GALNT11: variants seen among roughly 807,000 people sequenced by gnomAD.
GALNT11 encodes UDP-GalNAc:polypeptide N-acetylgalactosaminyltransferase 11.
Under a neutral mutation model 72.7 loss-of-function variants are expected in GALNT11, and 47 were observed. The observed-to-expected ratio is 0.65, with a 90% CI of 0.51 to 0.82. The LOEUF (loss-of-function observed/expected upper bound fraction) is 0.82, where lower values mean the gene tolerates loss of function less well. Ranked by LOEUF, GALNT11 falls within the 40% of genes least tolerant of loss-of-function variation. GALNT11 has a pLI of 0.00. For missense variants in GALNT11, 677 were observed against 778.4 expected (o/e 0.87, Z 1.55); for synonymous variants, 270 against 286.6 (o/e 0.94, Z 0.58).
Position 152,118,725 on chromosome 7 carries a change from A to C in GALNT11, c.1500A>C (p.Pro500=), listed in dbSNP as rs1307699363. ...AATGCCTGGTGGCCCAGGGCCGCCC[A>C]AGTCAGAAGGGAGGTCTCGTGGTGC... is the stretch of plus-strand genomic sequence containing the variant. ...TNKCLVAQGR[P]SQKGGLVVLK... The change falls in exon 10 of 12, where the codon CCA becomes CCC. Residue 500 remains proline (P), a synonymous_variant. Transcript: ENST00000430044. 6.2e-7 allele frequency: 1 copy of C among 1,611,828 alleles called. No individual in the cohort carries two copies.
At position 152,066,863 on chromosome 7, in the gene GALNT11, G is replaced by A. The variant is rs762849104; in HGVS notation, c.-38-27327G>A. ...TACAGGAGTAACATCAAAGATCATC[G>A]ACACAGATCACATAACAAATATCAT... is the stretch of plus-strand genomic sequence containing the variant. On this transcript the variant is annotated intron_variant, in intron 1 of 11. Coordinates refer to ENST00000430044, the MANE Select transcript of GALNT11 (RefSeq NM_022087.4). Among the ~76,000 whole-genome samples the A allele has an allele frequency of 3.9e-5, 6 of 152,066 alleles. 1 individual carries two copies. The highest frequency in any genetic ancestry group is 1.3e-4 in the Admixed American group (2 of 15,274).
At chr7:152,043,447 T>C (rs995145696) in intron 1 of GALNT11, among the ~76,000 whole-genome samples, 2 of 152,210 alleles carry the variant, frequency 1.3e-5, no homozygotes. Flanking sequence ...AATGCCCTGG[T>C]TTGAAATGGG....
intron 2 of GALNT11, among the ~76,000 whole-genome samples, chr7:152,096,714 C>CAA (rs768326363): frequency 1.0e-4 from 6 of 60,072 alleles, no homozygotes; most frequent in Admixed American, 3.6e-4. Flanking sequence ...GACTCTGTCT[C>CAA]AAAAAAAAAA....
chr7:152,101,867 C>T (rs749690200), intron 3 of GALNT11, among the ~76,000 whole-genome samples: 5 of 152,032 alleles, frequency 3.3e-5, no homozygotes, highest in African/African-American at 4.8e-5. Context: ...CTCCTGACCT[C>T]GTGATCTGCC....
chr7:152,042,759 A>G (rs2082926094), intron 1 of GALNT11, among the ~76,000 whole-genome samples: 1 of 152,140 alleles, frequency 6.6e-6, no homozygotes, highest in African/African-American at 2.4e-5. Context: ...TCCCTTCCCC[A>G]TAAATTTATA....
At chr7:152,093,518 C>T (rs570012278) in intron 1 of GALNT11, among the ~76,000 whole-genome samples, 6 of 152,084 alleles carry the variant, frequency 3.9e-5, no homozygotes, top group East Asian at 3.9e-4. Context: ...CTCCGCCTCC[C>T]GGGTTCAAGA....
intron 1 of GALNT11, among the ~76,000 whole-genome samples, chr7:152,077,009 G>A (rs2085022860): frequency 6.6e-6 from 1 of 152,192 alleles, no homozygotes; most frequent in African/African-American, 2.4e-5. Flanking sequence ...AGGATCGCTT[G>A]AGCCCAGGAG....
At chr7:152,112,412 G>T (rs2088329540) in intron 7 of GALNT11, among the ~76,000 whole-genome samples, 1 of 151,928 alleles carries the variant, frequency 6.6e-6, no homozygotes, top group Non-Finnish European at 1.5e-5. Context: ...GTGGTGGCGG[G>T]TGCCTGTAAT....
At chr7:152,054,084 T>C (rs2083534031) in intron 1 of GALNT11, among the ~76,000 whole-genome samples, 1 of 152,168 alleles carries the variant, frequency 6.6e-6, no homozygotes, top group African/African-American at 2.4e-5. Context: ...ACTTTATTCA[T>C]TTATCTAATC....
At chr7:152,112,540 CAA>C (rs923534651) in intron 7 of GALNT11, among the ~76,000 whole-genome samples, 13 of 86,414 alleles carry the variant, frequency 1.5e-4, no homozygotes, top group Non-Finnish European at 2.0e-4. Flanking sequence ...TGTGTCTCAA[CAA>C]AAAAAAAAAA....
At chr7:152,066,138 C>T (rs769871028) in intron 1 of GALNT11, among the ~76,000 whole-genome samples, 7 of 152,210 alleles carry the variant, frequency 4.6e-5, no homozygotes, top group South Asian at 2.1e-4. Flanking sequence ...TCAGCAATGG[C>T]GGGCACCCCT....
intron 1 of GALNT11, among the ~76,000 whole-genome samples, chr7:152,035,383 A>G (rs1042799581): frequency 3.3e-5 from 5 of 152,204 alleles, no homozygotes; most frequent in Admixed American, 1.3e-4. Context: ...AAGAGAGGCA[A>G]GAGAAAGTTT....
At chr7:152,067,897 T>C (rs2084403342) in intron 1 of GALNT11, among the ~76,000 whole-genome samples, 1 of 152,072 alleles carries the variant, frequency 6.6e-6, no homozygotes, top group South Asian at 2.1e-4. Flanking sequence ...CATCCAATCA[T>C]GGCAGAAGGT....
At chr7:152,069,891 C>G (rs2084525530) in intron 1 of GALNT11, among the ~76,000 whole-genome samples, 2 of 152,168 alleles carry the variant, frequency 1.3e-5, no homozygotes, top group African/African-American at 4.8e-5. Flanking sequence ...TGTATTTAGA[C>G]AATTCACGTT....
intron 1 of GALNT11, among the ~76,000 whole-genome samples, chr7:152,067,820 G>C (rs1320727395): frequency 6.6e-6 from 1 of 152,112 alleles, no homozygotes; most frequent in East Asian, 1.9e-4. Context: ...ATTGGCTCAG[G>C]GTTCTGCAGG....
At chr7:152,027,976 G>A (rs117371184) in intron 1 of GALNT11, among the ~76,000 whole-genome samples, 1 of 152,082 alleles carries the variant, frequency 6.6e-6, no homozygotes. Flanking sequence ...AGGTCTTAAA[G>A]GTGGCATGTC....
intron 1 of GALNT11, among the ~76,000 whole-genome samples, chr7:152,058,479 A>G (rs1414351004): frequency 1.3e-5 from 2 of 152,052 alleles, no homozygotes; most frequent in East Asian, 1.9e-4. Flanking sequence ...GACTACAGGC[A>G]TGCGTCACCA....
chr7:152,028,337 G>A (rs190264841), intron 1 of GALNT11, among the ~76,000 whole-genome samples: 81 of 152,194 alleles, frequency 5.3e-4, no homozygotes, highest in Admixed American at 1.1e-3. Context: ...CTAATTGGTC[G>A]GTTTTTACAG....
chr7:152,093,123 G>C (rs2086148025), intron 1 of GALNT11, among the ~76,000 whole-genome samples: 1 of 152,014 alleles, frequency 6.6e-6, no homozygotes, highest in South Asian at 2.1e-4. Flanking sequence ...CAGCTACTTG[G>C]GAGGCTGAGG....
Sources: allele counts gnomAD v4.1 joint callset (sites outside exome capture counted in the v4.1 genomes callset), GRCh38; gene constraint gnomAD v4.1.1; transcripts MANE v1.5; gene names NCBI Gene and HGNC (gene_info 2026-07-23, HGNC 2026-07-21).